SPTBN5: variants seen among roughly 807,000 people sequenced by gnomAD.
SPTBN5 encodes spectrin beta, non-erythrocytic 5.
A neutral mutation model predicts 477.6 loss-of-function variants in SPTBN5; 513 were observed. That is an observed-to-expected ratio of 1.07 (90% confidence interval 1.00 to 1.16). SPTBN5 has a LOEUF of 1.16. SPTBN5 is among the 50% of genes most tolerant of loss of function. The probability of loss-of-function intolerance (pLI) is 0.00; values close to 1 mark genes in which losing one functional copy is unlikely to be tolerated. For missense variants in SPTBN5, 5,062 were observed against 4,731.8 expected (o/e 1.07, Z -2.05); for synonymous variants, 2,169 against 2,011.7 (o/e 1.08, Z -2.09).
chr15:41,862,325 C>T, intron 43 of SPTBN5, 33 bp from the exon 44 acceptor site: 1 of 1,561,396 alleles, frequency 6.4e-7, no homozygotes, highest in African/African-American at 1.4e-5. Context: ...AGTCGTCAGG[C>T]CTTCAAACCC....
chr15:41,873,010 G>A (rs1166795434), intron 26 of SPTBN5, among the ~76,000 whole-genome samples: 1 of 152,192 alleles, frequency 6.6e-6, no homozygotes, highest in African/African-American at 2.4e-5. Flanking sequence ...GGTTCTGGGA[G>A]TCCGAATTCA....
rs2065900290 is a variant in SPTBN5 at position 41,855,317 on chromosome 15, C to T, written c.9330G>A (p.Leu3110=). ...GLQEQLQLHQ[L]ERETLLLDAW... is the part of the protein sequence containing the mutation. ...CGTCGAGGAGCAGGGTCTCTCGCTC[C>T]AGCTGGTGTAGCTGCAGCTGCTCCT... Residue 3110 remains leucine, a synonymous_variant, in exon 55 of 68, where the codon CTG becomes CTA. Coordinates refer to ENST00000320955, the MANE Select transcript of SPTBN5 (RefSeq NM_016642.4). 6.2e-7 allele frequency: 1 copy of T among 1,610,128 alleles called. No individual in the cohort carries two copies. The highest frequency in any genetic ancestry group is 8.5e-7 in the Non-Finnish European group (1 of 1,179,782).
At chr15:41,860,464 A>G in intron 47 of SPTBN5, 122 bp downstream of exon 47, 1 of 1,129,562 alleles carries the variant, frequency 8.9e-7, no homozygotes, top group Non-Finnish European at 1.2e-6. Context: ...ATCTGACCTC[A>G]GTCCTTGGAC....
intron 4 of SPTBN5, among the ~76,000 whole-genome samples, 159 bp from the exon 5 acceptor site, chr15:41,888,244 C>A (rs574981364): frequency 1.3e-5 from 2 of 152,348 alleles, no homozygotes; most frequent in South Asian, 4.1e-4. Flanking sequence ...TGATTTTGCC[C>A]AATTTCATCC....
intron 60 of SPTBN5, 42 bp from the exon 61 acceptor site, chr15:41,852,777 G>T (rs199941515): frequency 4.3e-5 from 69 of 1,610,526 alleles, no homozygotes; most frequent in East Asian, 2.5e-4. Context: ...CTTGGGGGGG[G>T]GGGCCCAGAG....
Position 41,854,324 on chromosome 15 carries a change from G to A in SPTBN5, c.9619-119C>T, listed in dbSNP as rs554084485. On this transcript the variant is annotated intron_variant, in intron 56 of 67. Transcript: ENST00000320955. ...AACAAGGAGGATCATGGGGCTTGAT[G>A]TGTCCCCAGGTACAGAAACCATCCT... The A allele has an allele frequency of 1.7e-4, 205 of 1,233,580 alleles. 1 individual carries two copies. Among genetic ancestry groups the A allele is most frequent in the Middle Eastern group, 1.1e-3 (5 of 4,462 alleles). 76.4% of individuals were successfully genotyped at this position (1,233,580 alleles called of 1,614,324 possible).
intron 14 of SPTBN5, 97 bp downstream of exon 14, chr15:41,880,063 C>G (rs1019724947): frequency 6.8e-7 from 1 of 1,461,216 alleles, no homozygotes; most frequent in African/African-American, 1.4e-5. Context: ...CTCCCCCAGG[C>G]AGGACGGTAG....
chr15:41,881,223 G>A lies in SPTBN5; in HGVS notation c.2469C>T (p.Ala823=). 1 of 1,608,886 alleles carries A rather than the reference G, an allele frequency of 6.2e-7. No homozygotes were observed. The highest frequency in any genetic ancestry group is 1.1e-5 in the South Asian group (1 of 90,720). The change falls in exon 13 of 68, where the codon GCC becomes GCT. Residue 823 remains alanine (A), a synonymous_variant. Coordinates refer to ENST00000320955, the MANE Select transcript of SPTBN5 (RefSeq NM_016642.4). ...TCAGGCTTTCTCCTGGAGGGCTCAG[G>A]GCAGAGTTCACCTGTGTGACAAAGG... The part of the protein sequence containing the change: ...ARASLFTVNS[A]LSPPGESLRN...
At chr15:41,874,788 C>T (rs533058842) in intron 23 of SPTBN5, 54 bp downstream of exon 23, 1 of 1,543,870 alleles carries the variant, frequency 6.5e-7, no homozygotes, top group Admixed American at 1.8e-5. Context: ...TCTTGTGGGA[C>T]CTTAAATTCA....
chr15:41,887,672 G>C (rs1381545625), intron 5 of SPTBN5, among the ~76,000 whole-genome samples: 2 of 152,040 alleles, frequency 1.3e-5, no homozygotes, highest in African/African-American at 4.8e-5. Flanking sequence ...CAAAGGGCAG[G>C]TGCTGCAGGG....
At chr15:41,851,749 T>C in intron 63 of SPTBN5, 30 bp downstream of exon 63, 1 of 1,571,166 alleles carries the variant, frequency 6.4e-7, no homozygotes, top group Non-Finnish European at 8.7e-7. Flanking sequence ...AGTGGGGAGC[T>C]GCCTGGAGAA....
In SPTBN5 at chr15:41,890,188, G is replaced by C. The variant is rs754784814; in HGVS notation, c.402C>G (p.Ile134Met). Residue 134 changes from isoleucine to methionine, a missense_variant, in exon 4 of 68, where the codon ATC becomes ATG. Transcript: ENST00000320955. ...CTCCGTCCACGATGTTCTCTGGCCC[G>C]ATGAGTGGTACTGGCACCTGTGGGC... ...FLRAKVPVPLIGPENIVDGDQ... is the reference protein window; with the variant it reads ...FLRAKVPVPLMGPENIVDGDQ... 4.3e-6 allele frequency: 7 copies of C among 1,611,696 alleles called. No homozygotes were observed. The highest frequency in any genetic ancestry group is 5.9e-6 in the Non-Finnish European group (7 of 1,178,848).
intron 33 of SPTBN5, 25 bp downstream of exon 33, chr15:41,868,372 TG>T (rs760428237): frequency 1.9e-6 from 3 of 1,589,662 alleles, no homozygotes. Context: ...CTAGGGTATG[TG>T]GGGGCACCAG....
intron 26 of SPTBN5, 96 bp downstream of exon 26, chr15:41,873,395 AG>A (rs1159301672): frequency 4.3e-6 from 4 of 920,800 alleles, no homozygotes; most frequent in Admixed American, 2.2e-5. Context: ...AAGCAAGAGC[AG>A]GGCTCCGTGC....
At position 41,878,355 on chromosome 15, in the gene SPTBN5, G is replaced by A. The variant is rs1481714682; in HGVS notation, c.3457C>T (p.Leu1153=). 9 of 1,613,664 alleles carry A rather than the reference G, an allele frequency of 5.6e-6. No individual in the cohort carries two copies. Among genetic ancestry groups the A allele is most frequent in the Non-Finnish European group, 6.8e-6 (8 of 1,179,830 alleles). The stretch of plus-strand genomic sequence containing the variant: ...TCCTGTCCTGACCTCTCCTGCCACA[G>A]GTGGATCTCCTCCAGCAGGTCTTGG... ...EHQDLLEEIH[L]WQERLQQLDA... The change falls in exon 17 of 68, where the codon CTG becomes TTG. Residue 1153 remains leucine (L), a synonymous_variant. Coordinates refer to ENST00000320955, the MANE Select transcript of SPTBN5 (RefSeq NM_016642.4).
Position 41,865,972 on chromosome 15 carries a change from G to A in SPTBN5, c.6822+66C>T, listed in dbSNP as rs569136185. On this transcript the variant is annotated intron_variant, in intron 38 of 67. Coordinates refer to ENST00000320955, the MANE Select transcript of SPTBN5 (RefSeq NM_016642.4). ...CCAGGCTCCTGGCACCTGCTGCTGG[G>A]GATCCCTCCTGTCAAGGGAGGGCTC... The A allele has an allele frequency of 2.6e-6, 4 of 1,545,544 alleles. No homozygotes were observed. In the African/African-American group the frequency reaches 5.5e-5, roughly 21 times the overall value.
intron 39 of SPTBN5, among the ~76,000 whole-genome samples, chr15:41,864,799 C>A (rs927882653): frequency 6.6e-6 from 1 of 152,186 alleles, no homozygotes; most frequent in African/African-American, 2.4e-5. Flanking sequence ...GGGGGTCCAC[C>A]GCAGGGTGTG....
At chr15:41,873,631 A>G in intron 25 of SPTBN5, 23 bp from the exon 26 acceptor site, 1 of 1,538,720 alleles carries the variant, frequency 6.5e-7, no homozygotes, top group Non-Finnish European at 8.8e-7. Context: ...GGGCCAACTC[A>G]CCTGGAGGAT....
At chr15:41,866,908 C>T (rs1023578771) in intron 36 of SPTBN5, 51 bp downstream of exon 36, 3 of 1,507,570 alleles carry the variant, frequency 2.0e-6, no homozygotes, top group East Asian at 2.4e-5. Context: ...CGGCTGAAAA[C>T]TGTCGAGTGT....
Sources: allele counts gnomAD v4.1 joint callset (sites outside exome capture counted in the v4.1 genomes callset), GRCh38; gene constraint gnomAD v4.1.1; transcripts MANE v1.5; gene names NCBI Gene and HGNC (gene_info 2026-07-23, HGNC 2026-07-21).